The following CENPC variants were observed in gnomAD, a reference collection of about 807,000 sequenced individuals.
CENPC encodes CENP-C 1.
CENPC carries 63 observed loss-of-function variants against 112.1 expected under a neutral mutation model. That is an observed-to-expected ratio of 0.56 (90% CI 0.46 to 0.69). The LOEUF (loss-of-function observed/expected upper bound fraction) is 0.69, where lower values mean the gene tolerates loss of function less well. Among genes scored for constraint, CENPC ranks in the 30% least tolerant of loss-of-function variants. CENPC has a pLI of 0.00. For missense variants in CENPC, 1,000 were observed against 1,103.8 expected (o/e 0.91, Z 1.33); for synonymous variants, 333 against 367.6 (o/e 0.91, Z 1.08).
chr4:67,539,149 A>G (rs1174788080), intron 4 of CENPC, among the ~76,000 whole-genome samples: 1 of 152,206 alleles, frequency 6.6e-6, no homozygotes, highest in East Asian at 1.9e-4. Flanking sequence ...TATCCCAGAA[A>G]ACCTAAAGTT....
intron 5 of CENPC, among the ~76,000 whole-genome samples, chr4:67,521,599 C>G (rs1218090672): frequency 6.6e-6 from 1 of 152,150 alleles, no homozygotes; most frequent in African/African-American, 2.4e-5. Context: ...TGTAGAATGA[C>G]AGTCACTATG....
chr4:67,534,957 A>T (rs1397967979), intron 4 of CENPC, among the ~76,000 whole-genome samples: 1 of 152,184 alleles, frequency 6.6e-6, no homozygotes, highest in Non-Finnish European at 1.5e-5. Context: ...ATGTCAAGGA[A>T]TATAATAAAA....
intron 16 of CENPC, among the ~76,000 whole-genome samples, chr4:67,491,525 A>AGAGAGAGCGCGAGC (rs1553893257): frequency 7.7e-6 from 1 of 130,044 alleles, no homozygotes; most frequent in African/African-American, 2.9e-5. Flanking sequence ...AGAGAGAGAG[A>AGAGAGAGCGCGAGC]GAGCCTGGTT....
At chr4:67,537,393 T>C (rs371441695) in intron 4 of CENPC, among the ~76,000 whole-genome samples, 12 of 152,194 alleles carry the variant, frequency 7.9e-5, no homozygotes, top group African/African-American at 2.7e-4. Context: ...ACAGTGCTCA[T>C]GCCTGTAATC....
chr4:67,480,356 G>A (rs1000982326), intron 17 of CENPC, among the ~76,000 whole-genome samples: 6 of 152,008 alleles, frequency 3.9e-5, no homozygotes, highest in African/African-American at 1.2e-4. Flanking sequence ...AAAAATTCCA[G>A]GACCAGATGG....
chr4:67,484,990 G>A (rs991778831), intron 17 of CENPC, among the ~76,000 whole-genome samples: 2 of 152,176 alleles, frequency 1.3e-5, no homozygotes, highest in Admixed American at 6.5e-5. Flanking sequence ...TTACTCGGGA[G>A]GCTGAGGCAG....
Position 67,474,971 on chromosome 4 carries a change from T to C in CENPC, c.2678A>G (p.Tyr893Cys). ...QHVGQDILVF[Y>C]VNFGDLLCTL... ...ACACAAAAGGTCACCAAAGTTAACA[T>C]AAAAAACCTGTAAAAATAAAAATAA... is the stretch of plus-strand genomic sequence containing the variant. Residue 893 changes from tyrosine (Y) to cysteine (C), a missense_variant, in exon 18 of 19, where the codon TAT becomes TGT. Transcript: ENST00000273853. The C allele has an allele frequency of 6.7e-7, 1 of 1,492,174 alleles. No homozygotes were observed. Among genetic ancestry groups the C allele is most frequent in the African/African-American group, 1.4e-5 (1 of 70,706 alleles). The allele number at this position is 1,492,174 out of a possible 1,614,324, so 92.4% of individuals were successfully genotyped here.
intron 18 of CENPC, among the ~76,000 whole-genome samples, chr4:67,473,086 T>G (rs986562574): frequency 2.0e-5 from 3 of 152,016 alleles, no homozygotes; most frequent in East Asian, 3.9e-4. Flanking sequence ...ATTTACTTAT[T>G]TTTTGTTTTT....
chr4:67,531,833 T>C (rs1359021894), intron 4 of CENPC, among the ~76,000 whole-genome samples: 4 of 152,160 alleles, frequency 2.6e-5, no homozygotes, highest in African/African-American at 9.7e-5. Flanking sequence ...TGAATGACTA[T>C]AATAAGTATC....
chr4:67,518,284 T>A lies in CENPC; in HGVS notation c.702A>T (p.Gly234=). 6.4e-7 allele frequency: 1 copy of A among 1,558,514 alleles called. No homozygotes were observed. The highest frequency in any genetic ancestry group is 8.7e-7 in the Non-Finnish European group (1 of 1,151,594). The part of the protein sequence containing the change: ...VSDEEDKTSE[G]QERKPSGSSQ... ...ATGATCCTGATGGTTTTCTTTCTTG[T>A]CCTTCCGATGTTTTATCCTCTTCAT... The change falls in exon 7 of 19, where the codon GGA becomes GGT. Residue 234 remains glycine (G), a synonymous_variant. Coordinates refer to ENST00000273853, the MANE Select transcript of CENPC (RefSeq NM_001812.4).
At chr4:67,517,863 A>C (rs767386739) in intron 7 of CENPC, among the ~76,000 whole-genome samples, 4 of 152,030 alleles carry the variant, frequency 2.6e-5, no homozygotes, top group Admixed American at 2.6e-4. Context: ...TACATACATA[A>C]ATACTGCATT....
At chr4:67,500,114 A>G (rs2109787337) in intron 12 of CENPC, among the ~76,000 whole-genome samples, 1 of 152,208 alleles carries the variant, frequency 6.6e-6, no homozygotes, top group African/African-American at 2.4e-5. Flanking sequence ...AGTTTGATAT[A>G]CTGTGAAAAT....
intron 17 of CENPC, among the ~76,000 whole-genome samples, chr4:67,478,292 T>A (rs1403072435): frequency 6.6e-6 from 1 of 152,144 alleles, no homozygotes; most frequent in Non-Finnish European, 1.5e-5. Context: ...TTAAGAGCTG[T>A]GAGGCCAAAG....
chr4:67,516,654 A>T (rs1429678179), intron 7 of CENPC, among the ~76,000 whole-genome samples: 1 of 152,028 alleles, frequency 6.6e-6, no homozygotes, highest in Non-Finnish European at 1.5e-5. Context: ...CTAATAAAGA[A>T]CAAAGTCAAT....
intron 5 of CENPC, among the ~76,000 whole-genome samples, chr4:67,525,750 G>A (rs1435518224): frequency 1.3e-5 from 2 of 152,198 alleles, no homozygotes; most frequent in Non-Finnish European, 2.9e-5. Flanking sequence ...AACCATTGTG[G>A]AAGACAGTGT....
chr4:67,545,248 C>T (rs1726996507), intron 1 of CENPC, 90 bp downstream of exon 1: 2 of 1,291,936 alleles, frequency 1.5e-6, no homozygotes, highest in African/African-American at 1.5e-5. Flanking sequence ...ATCACAGCCT[C>T]AGCCTAGCAT....
At chr4:67,493,657 G>GC (rs1408809422) in intron 14 of CENPC, 2 of 426,452 alleles carry the variant, frequency 4.7e-6, no homozygotes, top group Non-Finnish European at 8.4e-6. Context: ...TTTATATTAT[G>GC]CAATTGGAAA....
intron 17 of CENPC, among the ~76,000 whole-genome samples, chr4:67,480,653 T>G (rs1724931309): frequency 6.6e-6 from 1 of 152,150 alleles, no homozygotes; most frequent in Non-Finnish European, 1.5e-5. Context: ...CGCAAGTCAA[T>G]AAATGTGAAA....
At position 67,489,879 on chromosome 4, in the gene CENPC, G is replaced by A. The variant is rs1440112073; in HGVS notation, c.2670+88C>T. 7 of 1,151,016 alleles carry A rather than the reference G, an allele frequency of 6.1e-6. No individual in the cohort carries two copies. In the East Asian group the frequency reaches 1.6e-4, roughly 26 times the overall value. 71.3% of individuals were successfully genotyped at this position (1,151,016 alleles called of 1,614,324 possible). ...GGTGTAGTAATCGAATTTCATTTCT[G>A]AGAAAACAGCATTTTAATGTCTCAT... On this transcript the variant is annotated intron_variant, in intron 17 of 18. Coordinates refer to ENST00000273853, the MANE Select transcript of CENPC (RefSeq NM_001812.4).
Sources: gnomAD v4.1 joint callset for allele counts (sites outside exome capture counted in the v4.1 genomes callset) on GRCh38, gnomAD v4.1.1 for gene constraint, MANE v1.5 for transcripts, NCBI Gene and HGNC (gene_info 2026-07-23, HGNC 2026-07-21) for gene names.